Variants in CDK6 observed in about 807,000 individuals in gnomAD.
The protein encoded by CDK6 is cyclin-dependent kinase 6.
A neutral mutation model predicts 37.1 loss-of-function variants in CDK6; 6 were observed. The ratio of observed to expected loss-of-function variants is 0.16; its 90% CI spans 0.09 to 0.32. The LOEUF is 0.32. Among genes scored for constraint, CDK6 ranks in the 10% least tolerant of loss-of-function variants. The pLI is 1.00. For missense variants in CDK6, 224 were observed against 418.9 expected (o/e 0.53, Z 4.06); for synonymous variants, 160 against 161.3 (o/e 0.99, Z 0.06).
chr7:92,691,294 A>C (rs1487705208), intron 4 of CDK6, among the ~76,000 whole-genome samples: 1 of 152,236 alleles, frequency 6.6e-6, no homozygotes, highest in Non-Finnish European at 1.5e-5. Context: ...AAGTATAATA[A>C]GGCATTGAGA....
At chr7:92,716,926 A>G (rs1798242022) in intron 4 of CDK6, among the ~76,000 whole-genome samples, 1 of 152,326 alleles carries the variant, frequency 6.6e-6, no homozygotes, top group Admixed American at 6.5e-5. Context: ...TGGATCCCTG[A>G]GAAGCCCTTT....
In CDK6 at chr7:92,605,221, CAATA is replaced by C; in HGVS notation, c.*9915_*9918del. On this transcript the variant is annotated 3_prime_UTR_variant, in exon 8 of 8. Transcript: ENST00000424848. ...AAAAACAATGAACTTCATCATCTGA[CAATA>C]AATACCTACATTTTCATTCTAGCAC... is the stretch of plus-strand genomic sequence containing the variant. The C allele has an allele frequency of 4.3e-6, 1 of 233,334 alleles. No homozygotes were observed. The highest frequency in any genetic ancestry group is 8.5e-6 in the Non-Finnish European group (1 of 117,890). The allele number at this position is 233,334 out of a possible 1,614,324, so 14.5% of individuals were successfully genotyped here.
At chr7:92,715,889 C>T (rs1798220171) in intron 4 of CDK6, among the ~76,000 whole-genome samples, 1 of 152,146 alleles carries the variant, frequency 6.6e-6, no homozygotes, top group South Asian at 2.1e-4. Context: ...CCCAAGGGAT[C>T]TTAGCTTTAA....
intron 3 of CDK6, among the ~76,000 whole-genome samples, chr7:92,728,694 T>C (rs1798570345): frequency 6.6e-6 from 1 of 152,226 alleles, no homozygotes; most frequent in Non-Finnish European, 1.5e-5. Flanking sequence ...TCCATGTGTA[T>C]GATGCCTATA....
At chr7:92,745,569 C>T (rs1799038606) in intron 3 of CDK6, among the ~76,000 whole-genome samples, 1 of 152,152 alleles carries the variant, frequency 6.6e-6, no homozygotes. Flanking sequence ...AAATGGGCAT[C>T]TTAGAACTGA....
At chr7:92,674,137 T>C (rs1390039365) in intron 4 of CDK6, among the ~76,000 whole-genome samples, 1 of 151,766 alleles carries the variant, frequency 6.6e-6, no homozygotes, top group African/African-American at 2.4e-5. Flanking sequence ...TTGGCTATGT[T>C]TGAACACCAC....
At chr7:92,672,602 G>T (rs188946402) in intron 4 of CDK6, among the ~76,000 whole-genome samples, 46 of 148,302 alleles carry the variant, frequency 3.1e-4, no homozygotes, top group African/African-American at 1.0e-3. Context: ...GAGTACATAG[G>T]GGGGGTTCAA....
intron 4 of CDK6, among the ~76,000 whole-genome samples, chr7:92,718,742 C>G (rs1277699582): frequency 3.3e-5 from 5 of 152,216 alleles, no homozygotes; most frequent in Non-Finnish European, 7.3e-5. Context: ...GGCCCTTAGC[C>G]TAGGCAGGTT....
rs146128102 is a variant in CDK6, at chr7:92,759,492, T to C, written c.369+15204A>G. Reference sequence around the variant, plus strand: ...TAGCTACTATAGAAATGATTTGGTCTGGGATAAAAGTTATTTTTTTTAAAA... The same window carrying C: ...TAGCTACTATAGAAATGATTTGGTCCGGGATAAAAGTTATTTTTTTTAAAA... On this transcript the variant is annotated intron_variant, in intron 3 of 7. Transcript: ENST00000424848. Among the ~76,000 whole-genome samples, 723 of 152,202 alleles carry C rather than the reference T, an allele frequency of 4.8e-3. 6 individuals carry two copies. The highest frequency in any genetic ancestry group is 0.016 in the African/African-American group (683 of 41,534).
intron 5 of CDK6, among the ~76,000 whole-genome samples, chr7:92,641,586 A>C (rs1479125905): frequency 6.6e-6 from 1 of 152,220 alleles, no homozygotes; most frequent in Non-Finnish European, 1.5e-5. Flanking sequence ...AACCATGTAT[A>C]TTTTTGTTAA....
At chr7:92,643,402 CT>C (rs1244197540) in intron 5 of CDK6, among the ~76,000 whole-genome samples, 1 of 152,200 alleles carries the variant, frequency 6.6e-6, no homozygotes, top group Non-Finnish European at 1.5e-5. Flanking sequence ...CTGTGATGTG[CT>C]TATCACTATG....
intron 2 of CDK6, among the ~76,000 whole-genome samples, chr7:92,776,826 T>C (rs1441365990): frequency 6.6e-6 from 1 of 152,180 alleles, no homozygotes; most frequent in African/African-American, 2.4e-5. Flanking sequence ...GTCAGATGGA[T>C]AGATTGCAAA....
At position 92,606,058 on chromosome 7, in the gene CDK6, T is replaced by TTAAGGAACA; in HGVS notation, c.*9073_*9081dup. Reference sequence around the variant, plus strand: ...ACGGAATAAGAATAATTATGCACCTTTAAGGAACATGCACCCTTATAAGTC... The same window carrying TTAAGGAACA: ...ACGGAATAAGAATAATTATGCACCTTTAAGGAACATAAGGAACATGCACCCTTATAAGTC... On this transcript the variant is annotated 3_prime_UTR_variant, in exon 8 of 8. Transcript: ENST00000424848. The TTAAGGAACA allele has an allele frequency of 4.3e-6, 1 of 233,576 alleles. No individual in the cohort carries two copies. The highest frequency in any genetic ancestry group is 8.5e-6 in the Non-Finnish European group (1 of 117,988). 14.5% of individuals were successfully genotyped at this position (233,576 alleles called of 1,614,324 possible).
At chr7:92,756,839 G>T (rs1186329674) in intron 3 of CDK6, among the ~76,000 whole-genome samples, 1 of 152,134 alleles carries the variant, frequency 6.6e-6, no homozygotes, top group Non-Finnish European at 1.5e-5. Context: ...GGGAAGAAAC[G>T]GAGTATGCAT....
chr7:92,664,974 AC>A (rs1003181649), intron 5 of CDK6, among the ~76,000 whole-genome samples: 19 of 152,044 alleles, frequency 1.2e-4, no homozygotes, highest in Admixed American at 1.1e-3. Flanking sequence ...TTTAATAGAG[AC>A]GGGTTTTCAC....
intron 2 of CDK6, among the ~76,000 whole-genome samples, chr7:92,811,825 A>T (rs1432630766): frequency 6.6e-6 from 1 of 152,170 alleles, no homozygotes; most frequent in East Asian, 1.9e-4. Flanking sequence ...AAGGAGAGGA[A>T]TAAGTAAGGC....
intron 5 of CDK6, among the ~76,000 whole-genome samples, chr7:92,642,194 C>T (rs575902451): frequency 6.6e-6 from 1 of 152,132 alleles, no homozygotes; most frequent in Non-Finnish European, 1.5e-5. Flanking sequence ...TCAGCTGACC[C>T]CACGCCTTGA....
intron 6 of CDK6, among the ~76,000 whole-genome samples, chr7:92,619,500 T>C (rs929854464): frequency 1.3e-5 from 2 of 151,698 alleles, no homozygotes; most frequent in African/African-American, 2.4e-5. Flanking sequence ...AGTTAGAAAT[T>C]GTGCTGGCCC....
intron 4 of CDK6, among the ~76,000 whole-genome samples, chr7:92,705,698 G>T (rs1237121465): frequency 6.6e-6 from 1 of 152,140 alleles, no homozygotes. Flanking sequence ...TCTGAAAAAA[G>T]CCAGGGTACG....
Sources: allele counts gnomAD v4.1 joint callset (sites outside exome capture counted in the v4.1 genomes callset), GRCh38; gene constraint gnomAD v4.1.1; transcripts MANE v1.5; gene names NCBI Gene and HGNC (gene_info 2026-07-23, HGNC 2026-07-21).